CRYL1: variants seen among roughly 807,000 people sequenced by gnomAD.
CRYL1 encodes lambda-crystallin homolog.
Under a neutral mutation model 36.6 loss-of-function variants are expected in CRYL1, and 29 were observed. The observed-to-expected ratio is 0.79, with a 90% confidence interval of 0.59 to 1.08. The LOEUF (loss-of-function observed/expected upper bound fraction) is 1.08. CRYL1 is among the 50% of genes least tolerant of loss of function. The pLI is 0.00. For missense variants in CRYL1, 411 were observed against 407.9 expected, an observed-to-expected ratio of 1.01 and a Z score of -0.06; for synonymous variants, 152 against 151.5, an observed-to-expected ratio of 1.00 and a Z score of -0.02.
chr13:20,463,840 G>C (rs1284372386), intron 3 of CRYL1, among the ~76,000 whole-genome samples: 1 of 152,178 alleles, frequency 6.6e-6, no homozygotes, highest in Admixed American at 6.5e-5. Flanking sequence ...CGAAGATGTA[G>C]TAGTACCGAA....
At chr13:20,483,626 A>G (rs964913657) in intron 3 of CRYL1, among the ~76,000 whole-genome samples, 7 of 151,710 alleles carry the variant, frequency 4.6e-5, no homozygotes, top group African/African-American at 1.5e-4. Context: ...TGCAACCTCC[A>G]CCTCCTGGGC....
At chr13:20,460,472 A>G (rs1017233046) in intron 3 of CRYL1, among the ~76,000 whole-genome samples, 3 of 145,016 alleles carry the variant, frequency 2.1e-5, no homozygotes, top group Non-Finnish European at 4.5e-5. Flanking sequence ...TGGCTCTTTA[A>G]TCTTTGCCTA....
intron 3 of CRYL1, among the ~76,000 whole-genome samples, chr13:20,479,702 G>A (rs770358814): frequency 1.9e-4 from 29 of 152,096 alleles, no homozygotes; most frequent in Non-Finnish European, 4.1e-4. Flanking sequence ...GTCACAAATG[G>A]GTATTAGAGG....
At chr13:20,488,562 C>T (rs2033445747) in intron 3 of CRYL1, among the ~76,000 whole-genome samples, 1 of 152,214 alleles carries the variant, frequency 6.6e-6, no homozygotes, top group Non-Finnish European at 1.5e-5. Context: ...ACACACACAG[C>T]CTTTTCGGTT....
intron 5 of CRYL1, chr13:20,431,310 C>T (rs1024035381): frequency 1.0e-6 from 1 of 985,320 alleles, no homozygotes; most frequent in Admixed American, 6.1e-5. Flanking sequence ...CAGCGTCCTC[C>T]CTACGCGGTG....
At chr13:20,432,884 G>A (rs780746973) in intron 4 of CRYL1, among the ~76,000 whole-genome samples, 1 of 152,142 alleles carries the variant, frequency 6.6e-6, no homozygotes, top group Non-Finnish European at 1.5e-5. Flanking sequence ...TAGGTGTGGT[G>A]TTGTGTACCT....
At chr13:20,517,823 CTACTCGGGAG>C (rs2034028489) in intron 1 of CRYL1, among the ~76,000 whole-genome samples, 1 of 149,630 alleles carries the variant, frequency 6.7e-6, no homozygotes. Flanking sequence ...GTAGTCCCAG[CTACTCGGGAG>C]GCTGAGGCAG....
chr13:20,437,559 G>A lies in CRYL1; in HGVS notation c.438+2034C>T, dbSNP rs540549319. Among the ~76,000 whole-genome samples, 8 of 152,188 alleles carry A rather than the reference G, an allele frequency of 5.3e-5. No individual in the cohort carries two copies. In the South Asian group the frequency reaches 1.0e-3, roughly 20 times the overall value. ...CCTGACCTCCTAATCCACCCACCTC[G>A]GCCTCCCAAAGGGGAAGATTAATTT... On this transcript the variant is annotated intron_variant, in intron 4 of 7. Coordinates refer to ENST00000298248, the MANE Select transcript of CRYL1 (RefSeq NM_015974.3).
chr13:20,446,971 T>C (rs1246398736), intron 3 of CRYL1, among the ~76,000 whole-genome samples: 1 of 152,220 alleles, frequency 6.6e-6, no homozygotes, highest in Admixed American at 6.5e-5. Context: ...TGTTAGCAAT[T>C]ATTTAAGTTT....
intron 2 of CRYL1, among the ~76,000 whole-genome samples, chr13:20,493,769 GGA>G (rs1173964519): frequency 6.6e-6 from 1 of 152,176 alleles, no homozygotes; most frequent in Non-Finnish European, 1.5e-5. Context: ...AGCCCGTAGT[GGA>G]GTCACCATGA....
chr13:20,509,936 A>T (rs749540895), intron 2 of CRYL1, among the ~76,000 whole-genome samples: 3 of 152,150 alleles, frequency 2.0e-5, no homozygotes, highest in Non-Finnish European at 4.4e-5. Flanking sequence ...TCAAAACAAA[A>T]CAAGAAACAA....
intron 2 of CRYL1, among the ~76,000 whole-genome samples, chr13:20,502,825 G>C (rs1376144227): frequency 6.6e-6 from 1 of 152,152 alleles, no homozygotes; most frequent in Non-Finnish European, 1.5e-5. Context: ...GGGTACTTTG[G>C]TTTCCTGTTC....
chr13:20,450,323 A>G (rs1319962283), intron 3 of CRYL1, among the ~76,000 whole-genome samples: 1 of 152,194 alleles, frequency 6.6e-6, no homozygotes, highest in Non-Finnish European at 1.5e-5. Flanking sequence ...AAAGTCAACA[A>G]AAATAAGCAG....
rs1346722546 is a variant in CRYL1, at chr13:20,415,348, C to G, written c.634-1961G>C. Among the ~76,000 whole-genome samples, 3 of 152,062 alleles carry G rather than the reference C, an allele frequency of 2.0e-5. No individual in the cohort carries two copies. Among genetic ancestry groups the G allele is most frequent in the Non-Finnish European group, 4.4e-5 (3 of 67,962 alleles). On this transcript the variant is annotated intron_variant, in intron 5 of 7. Transcript: ENST00000298248. This position sits in a 1 kb window ranked among gnomAD's most constrained non-coding sequence, Gnocchi z 4.1. ...GCAGCCCCAGGGGTCCCCCGAGAAG[C>G]GAGAAAAGGGGTTCGAAACCCCCGC...
chr13:20,456,479 C>CAAA (rs71074301), intron 3 of CRYL1, among the ~76,000 whole-genome samples: 1,642 of 98,714 alleles, frequency 0.017, 44 homozygotes, highest in African/African-American at 0.063. Context: ...CGTCTCAAAA[C>CAAA]AAAAAAAAAA....
chr13:20,493,555 G>A (rs111237164), intron 2 of CRYL1, among the ~76,000 whole-genome samples: 31,541 of 152,108 alleles, frequency 0.21, 3,467 homozygotes, highest in East Asian at 0.3. Flanking sequence ...AGCTACTTAG[G>A]AGGCTAAGGC....
chr13:20,407,836 T>A (rs1051561831), intron 6 of CRYL1, among the ~76,000 whole-genome samples: 1 of 152,236 alleles, frequency 6.6e-6, no homozygotes, highest in Admixed American at 6.5e-5. Context: ...TGTGGGCCTC[T>A]GAGGGACAGT....
In CRYL1 at chr13:20,427,186, TCAC is replaced by T; in HGVS notation, c.633+4913_633+4915del. 3.0e-6 allele frequency: 3 copies of T among 985,460 alleles called. No homozygotes were observed. The African/African-American group carries it at 5.2e-5, about 17-fold the overall frequency. 61.0% of individuals were successfully genotyped at this position (985,460 alleles called of 1,614,324 possible). A position where few individuals can be genotyped will look rare whatever the true frequency, so the allele number is the denominator to read the frequency against. ...TGAAATGACATCCCAGCCAATAAGA[TCAC>T]GTGACCCAGGGAGCACGCCTCCGGC... On this transcript the variant is annotated intron_variant, in intron 5 of 7. Coordinates refer to ENST00000298248, the MANE Select transcript of CRYL1 (RefSeq NM_015974.3).
intron 7 of CRYL1, among the ~76,000 whole-genome samples, 168 bp from the exon 8 acceptor site, chr13:20,404,410 C>T (rs966818267): frequency 3.9e-5 from 6 of 152,174 alleles, no homozygotes; most frequent in Admixed American, 2.6e-4. Context: ...CTCAGTCCCT[C>T]AGAGACAAGT....
Sources: gnomAD v4.1 joint callset for allele counts (sites outside exome capture counted in the v4.1 genomes callset) on GRCh38, gnomAD v4.1.1 for gene constraint, Gnocchi (gnomAD v3.1) non-coding constraint, MANE v1.5 for transcripts, NCBI Gene and HGNC (gene_info 2026-07-23, HGNC 2026-07-21) for gene names.